The following PCDHAC2 variants were observed in gnomAD, a reference collection of about 807,000 sequenced individuals.
PCDHAC2 encodes protocadherin alpha-C2.
Under a neutral mutation model 63.3 loss-of-function variants are expected in PCDHAC2, and 24 were observed. That is an observed-to-expected ratio of 0.38 (90% CI 0.27 to 0.53). The LOEUF (loss-of-function observed/expected upper bound fraction) is 0.53, where lower values mean the gene tolerates loss of function less well. Among genes scored for constraint, PCDHAC2 ranks in the 20% least tolerant of loss-of-function variants. The pLI is 0.81. For synonymous variants in PCDHAC2, 569 were observed against 529.4 expected (o/e 1.07, Z -1.03); for missense variants, 1,181 against 1,275.2 (o/e 0.93, Z 1.12).
chr5:140,978,836 A>G (rs891146888), intron 1 of PCDHAC2, 113 bp from the exon 2 acceptor site: 1 of 1,552,522 alleles, frequency 6.4e-7, no homozygotes, highest in Non-Finnish European at 8.7e-7. Context: ...GGCTCATTCA[A>G]TACTTTTTTA....
chr5:141,000,381 CTCTCTCTCTCTCTCTATATA>C (rs2097908619), intron 3 of PCDHAC2, among the ~76,000 whole-genome samples: 2 of 61,370 alleles, frequency 3.3e-5, no homozygotes, highest in African/African-American at 7.4e-5. Context: ...CTCTCTCTCT[CTCTCTCTCTCTCTCTATATA>C]TATATATATA....
At chr5:140,982,213 A>G in intron 2 of PCDHAC2, 2 of 482,032 alleles carry the variant, frequency 4.1e-6, no homozygotes, top group South Asian at 8.1e-5. Context: ...TGAGCGCCAC[A>G]TGGCGTTAAT....
At position 140,968,370 on chromosome 5, in the gene PCDHAC2, A is replaced by T. The variant is rs1169551068; in HGVS notation, c.1604A>T (p.Asn535Ile). 1 of 1,613,428 alleles carries T rather than the reference A, an allele frequency of 6.2e-7. No homozygotes were observed. The highest frequency in any genetic ancestry group is 1.3e-5 in the African/African-American group (1 of 74,728). ...GCCAGTGGCAGCCTTTATGCTGTCA[A>T]CTCCTTTGACTATGAGAAGTTTCGG... ...NSASGSLYAV[N>I]SFDYEKFREF... The change falls in exon 1 of 4, where the codon AAC becomes ATC. Residue 535 changes from asparagine (N) to isoleucine (I), a missense_variant. By Grantham distance (149) the Asn-to-Ile change is moderately radical. Transcript: ENST00000289269.
At chr5:140,978,910 T>C in intron 1 of PCDHAC2, 39 bp from the exon 2 acceptor site, 1 of 1,613,896 alleles carries the variant, frequency 6.2e-7, no homozygotes, top group Non-Finnish European at 8.5e-7. Context: ...GAACATTGTC[T>C]TGTCATTTTA....
In PCDHAC2 at chr5:141,010,289, C is replaced by G. The variant is rs2098416832; in HGVS notation, c.*352C>G. The G allele has an allele frequency of 4.5e-6, 7 of 1,550,274 alleles. No homozygotes were observed. The highest frequency in any genetic ancestry group is 3.9e-5 in the Admixed American group (2 of 50,654). ...GGGGATCCTGTCTTGATGACACTTG[C>G]AGGGCAGGCTGAAAAGTTTTGAGAT... On this transcript the variant is annotated 3_prime_UTR_variant, in exon 4 of 4. Transcript: ENST00000289269.
chr5:140,970,059 G>C (rs2096380498), intron 1 of PCDHAC2, among the ~76,000 whole-genome samples: 1 of 152,150 alleles, frequency 6.6e-6, no homozygotes. Context: ...GTCCAGGGAG[G>C]TATTAGAATG....
chr5:140,977,640 G>A (rs2096769670), intron 1 of PCDHAC2, among the ~76,000 whole-genome samples: 1 of 152,124 alleles, frequency 6.6e-6, no homozygotes, highest in South Asian at 2.1e-4. Flanking sequence ...CTTTTTCTGG[G>A]CCTTGACTTT....
intron 2 of PCDHAC2, among the ~76,000 whole-genome samples, chr5:140,981,680 C>T (rs1238332235): frequency 6.6e-6 from 1 of 151,746 alleles, no homozygotes; most frequent in Non-Finnish European, 1.5e-5. Flanking sequence ...CTTCCTTCCT[C>T]CCTTCCATCA....
rs782706939 is a variant in PCDHAC2 at position 140,967,257 on chromosome 5, G to C, written c.491G>C (p.Gly164Ala). ...CAGGTAAGCGAATCGGTGGCGCCTG[G>C]AGCGCGCTTTCACATAGAGAGTGCG... is the stretch of plus-strand genomic sequence containing the variant. ...QLQVSESVAP[G>A]ARFHIESAQD... The change falls in exon 1 of 4, where the codon GGA becomes GCA. Residue 164 changes from glycine (G) to alanine (A), a missense_variant. By Grantham distance (60) the Gly-to-Ala change is moderately conservative. Coordinates refer to ENST00000289269, the MANE Select transcript of PCDHAC2 (RefSeq NM_018899.6). 1.9e-6 allele frequency: 3 copies of C among 1,613,486 alleles called. No individual in the cohort carries two copies. The highest frequency in any genetic ancestry group is 1.3e-5 in the African/African-American group (1 of 75,062).
intron 3 of PCDHAC2, among the ~76,000 whole-genome samples, chr5:140,995,391 G>A (rs2097681152): frequency 1.3e-5 from 2 of 152,170 alleles, no homozygotes; most frequent in African/African-American, 2.4e-5. Context: ...AGGATAAAGC[G>A]GGATGGCTCG....
At chr5:141,007,613 T>C (rs1351675120) in intron 3 of PCDHAC2, among the ~76,000 whole-genome samples, 1 of 152,056 alleles carries the variant, frequency 6.6e-6, no homozygotes, top group Non-Finnish European at 1.5e-5. Context: ...GAAGCAGATA[T>C]AGGAGAGGTC....
chr5:140,972,832 T>G (rs1209140344), intron 1 of PCDHAC2, among the ~76,000 whole-genome samples: 9 of 151,882 alleles, frequency 5.9e-5, no homozygotes. Flanking sequence ...CCTGGCTAAT[T>G]TTTGTATTTT....
chr5:140,969,110 C>T lies in PCDHAC2; in HGVS notation c.2344C>T (p.Arg782Ter), dbSNP rs1380719565. The part of the protein sequence containing the change: ...LKVQPHFIEV[R>*]GNGSLTKTYC... ...AGTGCAGCCTCACTTCATTGAAGTT[C>T]GAGGGAATGGCTCCCTCACCAAGAC... Residue 782 changes from arginine (R) to a stop codon, truncating the protein, a stop_gained, in exon 1 of 4, where the codon CGA becomes TGA. Coordinates refer to ENST00000289269, the MANE Select transcript of PCDHAC2 (RefSeq NM_018899.6). LOFTEE classifies it high-confidence loss of function. 3.1e-6 allele frequency: 5 copies of T among 1,614,064 alleles called. No homozygotes were observed. Among genetic ancestry groups the T allele is most frequent in the Non-Finnish European group, 3.4e-6 (4 of 1,180,006 alleles).
intron 2 of PCDHAC2, among the ~76,000 whole-genome samples, chr5:140,981,204 A>G (rs782466772): frequency 2.6e-5 from 4 of 152,218 alleles, no homozygotes; most frequent in Non-Finnish European, 5.9e-5. Context: ...CTGTTGCCTC[A>G]TATAACCCCT....
Position 140,968,758 on chromosome 5 carries a change from T to C in PCDHAC2, c.1992T>C (p.Asp664=). 6.2e-7 allele frequency: 1 copy of C among 1,614,150 alleles called. No homozygotes were observed. Among genetic ancestry groups the C allele is most frequent in the South Asian group, 1.1e-5 (1 of 91,074 alleles). ...STFNLTVVVR[D]NGEPSLSASV... ...TCAACCTGACCGTGGTGGTCCGAGA[T>C]AATGGAGAGCCATCACTATCAGCCT... Residue 664 remains aspartate, a synonymous_variant, in exon 1 of 4, where the codon GAT becomes GAC. Transcript: ENST00000289269.
intron 3 of PCDHAC2, among the ~76,000 whole-genome samples, chr5:141,000,383 CTCTCTCTCTCTCTATA>C (rs1346959358): frequency 3.2e-5 from 2 of 63,198 alleles, no homozygotes; most frequent in African/African-American, 1.4e-4. Context: ...CTCTCTCTCT[CTCTCTCTCTCTCTATA>C]TATATATATA....
In PCDHAC2 at chr5:140,967,766, T is replaced by C; in HGVS notation, c.1000T>C (p.Tyr334His). Residue 334 changes from tyrosine (Y) to histidine (H), a missense_variant, in exon 1 of 4, where the codon TAT becomes CAT. Transcript: ENST00000289269. ...TGAGGAAGCCTCCTCCTACCAGATCTATGTGCAGGCGACTGACCGGGGTCC... is the reference window on the plus strand; with the variant it reads ...TGAGGAAGCCTCCTCCTACCAGATCCATGTGCAGGCGACTGACCGGGGTCC... ...DYEEASSYQI[Y>H]VQATDRGPVP... is the part of the protein sequence containing the mutation. The C allele has an allele frequency of 6.2e-7, 1 of 1,614,218 alleles. No homozygotes were observed. Among genetic ancestry groups the C allele is most frequent in the Non-Finnish European group, 8.5e-7 (1 of 1,180,036 alleles).
intron 3 of PCDHAC2, among the ~76,000 whole-genome samples, chr5:141,005,519 C>T (rs1374058521): frequency 1.3e-5 from 2 of 151,140 alleles, no homozygotes; most frequent in Middle Eastern, 3.2e-3. Context: ...CTGGCTAACA[C>T]GGTGAAACCC....
In PCDHAC2 at chr5:140,966,488, C is replaced by G. The variant is rs1161799910; in HGVS notation, c.-279C>G. The stretch of plus-strand genomic sequence containing the variant: ...TCCCTTCTGTTTCCTTTTCCCTCCC[C>G]CTGGAGCTGTAGCGGCAGCAGCAGC... On this transcript the variant is annotated 5_prime_UTR_variant, in exon 1 of 4. Transcript: ENST00000289269. 1.6e-5 allele frequency: 7 copies of G among 440,132 alleles called. No individual in the cohort carries two copies. Among genetic ancestry groups the G allele is most frequent in the East Asian group, 1.1e-4 (3 of 28,322 alleles). 27.3% of individuals were successfully genotyped at this position (440,132 alleles called of 1,614,324 possible). A position where few individuals can be genotyped will look rare whatever the true frequency, so the allele number is the denominator to read the frequency against.
Sources: allele counts gnomAD v4.1 joint callset (sites outside exome capture counted in the v4.1 genomes callset), GRCh38; gene constraint gnomAD v4.1.1; transcripts MANE v1.5; gene names NCBI Gene and HGNC (gene_info 2026-07-23, HGNC 2026-07-21).